ACOT7: variants seen among roughly 807,000 people sequenced by gnomAD.
ACOT7 encodes acyl-CoA thioesterase 7.
Under a neutral mutation model 40.2 loss-of-function variants are expected in ACOT7, and 12 were observed. The observed-to-expected ratio is 0.30, with a 90% confidence interval of 0.19 to 0.48. ACOT7 has a LOEUF of 0.48. Ranked by LOEUF, ACOT7 falls within the 20% of genes least tolerant of loss-of-function variation. ACOT7 has a pLI of 0.99. For missense variants in ACOT7, 395 were observed against 530.8 expected, an observed-to-expected ratio of 0.74 and a Z score of 2.51; for synonymous variants, 228 against 219.5, an observed-to-expected ratio of 1.04 and a Z score of -0.34.
At position 6,306,154 on chromosome 1, in the gene ACOT7, G is replaced by C. The variant is rs1053804251; in HGVS notation, c.713-11174C>G. ...GATGGCAGCAGCACAGTCCAGCTTCGGCTCGGCATCAGAGGGAGACCGTGG... is the reference window on the plus strand; with the variant it reads ...GATGGCAGCAGCACAGTCCAGCTTCCGCTCGGCATCAGAGGGAGACCGTGG... On this transcript the variant is annotated intron_variant, in intron 6 of 8. Transcript: ENST00000361521. The surrounding 1 kb of genome is among the most constrained non-coding windows in gnomAD (Gnocchi z 4.3). 25 of 778,814 alleles carry C rather than the reference G, an allele frequency of 3.2e-5. No homozygotes were observed. Among genetic ancestry groups the C allele is most frequent in the Middle Eastern group, 6.7e-4 (1 of 1,486 alleles). 48.2% of individuals were successfully genotyped at this position (778,814 alleles called of 1,614,324 possible).
In ACOT7 at chr1:6,278,553, G is replaced by A. The variant is rs919495726; in HGVS notation, c.1014+2549C>T. 2.0e-5 allele frequency among the ~76,000 whole-genome samples: 3 copies of A among 152,074 alleles called. No homozygotes were observed. The highest frequency in any genetic ancestry group is 7.2e-5 in the African/African-American group (3 of 41,392). On this transcript the variant is annotated intron_variant, in intron 8 of 8. Coordinates refer to ENST00000361521, the MANE Select transcript of ACOT7 (RefSeq NM_007274.4). This position sits in a 1 kb window ranked among gnomAD's most constrained non-coding sequence, Gnocchi z 4.1. ...CAGAGGCGGAGAGGGATTTTTTTGCGGGTGTGATAATGAGTTCCATTCAGG... is the reference window on the plus strand; with the variant it reads ...CAGAGGCGGAGAGGGATTTTTTTGCAGGTGTGATAATGAGTTCCATTCAGG...
rs2148400257 is a variant in ACOT7 at position 6,299,250 on chromosome 1, C to G, written c.713-4270G>C. On this transcript the variant is annotated intron_variant, in intron 6 of 8. Coordinates refer to ENST00000361521, the MANE Select transcript of ACOT7 (RefSeq NM_007274.4). This position sits in a 1 kb window ranked among gnomAD's most constrained non-coding sequence, Gnocchi z 4.1. ...AATGGGATGACCATGTGGCTGCCAG[C>G]AATGGCAGCTGCTATCATGGGATGT... Among the ~76,000 whole-genome samples, 1 of 152,374 alleles carries G rather than the reference C, an allele frequency of 6.6e-6. No homozygotes were observed. Among genetic ancestry groups the G allele is most frequent in the Admixed American group, 6.5e-5 (1 of 15,302 alleles).
chr1:6,320,842 C>T (rs1014621455), intron 5 of ACOT7, among the ~76,000 whole-genome samples: 12 of 152,234 alleles, frequency 7.9e-5, no homozygotes, highest in African/African-American at 2.9e-4. Context: ...GACCTCAGAG[C>T]GCAGCAGCTG....
intron 5 of ACOT7, among the ~76,000 whole-genome samples, chr1:6,323,235 T>C (rs536243605): frequency 1.3e-5 from 2 of 152,272 alleles, no homozygotes. Context: ...TTTCGGCTAC[T>C]GAGAAACATT....
intron 2 of ACOT7, among the ~76,000 whole-genome samples, chr1:6,342,829 T>C (rs1641311982): frequency 6.6e-6 from 1 of 152,216 alleles, no homozygotes; most frequent in Non-Finnish European, 1.5e-5. Context: ...GTCCTAAGTG[T>C]TTCTCGGAAC....
Position 6,264,681 on chromosome 1 carries a change from G to C in ACOT7, c.1029C>G (p.Asp343Glu). 1.2e-6 allele frequency: 2 copies of C among 1,613,388 alleles called. No homozygotes were observed. Among genetic ancestry groups the C allele is most frequent in the Non-Finnish European group, 8.5e-7 (1 of 1,179,962 alleles). Residue 343 changes from aspartate to glutamate, a missense_variant, in exon 9 of 9, where the codon GAC becomes GAG. Coordinates refer to ENST00000361521, the MANE Select transcript of ACOT7 (RefSeq NM_007274.4). ...PVPQLVPETEDEKKRFEEGKG... is the reference protein window; with the variant it reads ...PVPQLVPETEEEKKRFEEGKG... ...TGCCTTCCTCAAAGCGCTTCTTCTC[G>C]TCCTCGGTCTCGGGCTGTGGACCAC... is the stretch of plus-strand genomic sequence containing the variant.
At chr1:6,380,596 A>C (rs1571354970) in intron 1 of ACOT7, among the ~76,000 whole-genome samples, 1 of 151,168 alleles carries the variant, frequency 6.6e-6, no homozygotes, top group Admixed American at 6.6e-5. Flanking sequence ...CAAAAAAAAA[A>C]AAAAAACAAG....
rs1360757794 is a variant in ACOT7 at position 6,306,131 on chromosome 1, T to C, written c.713-11151A>G. The C allele has an allele frequency of 4.8e-6, 3 of 619,930 alleles. No homozygotes were observed. Among genetic ancestry groups the C allele is most frequent in the Non-Finnish European group, 6.0e-6 (3 of 502,164 alleles). 38.4% of individuals were successfully genotyped at this position (619,930 alleles called of 1,614,324 possible). A position where few individuals can be genotyped will look rare whatever the true frequency, so the allele number is the denominator to read the frequency against. ...GCAGGGAGGTTGCAGTGAGCCAAGA[T>C]GGCAGCAGCACAGTCCAGCTTCGGC... On this transcript the variant is annotated intron_variant, in intron 6 of 8. Transcript: ENST00000361521. This position sits in a 1 kb window ranked among gnomAD's most constrained non-coding sequence, Gnocchi z 4.3.
chr1:6,382,273 G>A (rs1406566045), intron 1 of ACOT7, among the ~76,000 whole-genome samples: 4 of 151,758 alleles, frequency 2.6e-5, no homozygotes, highest in South Asian at 4.2e-4. Context: ...GCGTGGTGGC[G>A]GGCACCTGTA....
At chr1:6,347,678 A>G (rs926221170) in intron 2 of ACOT7, among the ~76,000 whole-genome samples, 1 of 151,972 alleles carries the variant, frequency 6.6e-6, no homozygotes, top group Non-Finnish European at 1.5e-5. Flanking sequence ...GAGGCAGGAG[A>G]ATCGCTTGAA....
Position 6,301,145 on chromosome 1 carries a change from G to A in ACOT7, c.713-6165C>T, listed in dbSNP as rs1398270717. ...CAGCTGGTGTCATCAACTCAGGGTG[G>A]TTTAGCTGTGGGGGAAGGAGGAGGG... On this transcript the variant is annotated intron_variant, in intron 6 of 8. Coordinates refer to ENST00000361521, the MANE Select transcript of ACOT7 (RefSeq NM_007274.4). This position sits in a 1 kb window ranked among gnomAD's most constrained non-coding sequence, Gnocchi z 4.1. 6.6e-6 allele frequency among the ~76,000 whole-genome samples: 1 copy of A among 152,214 alleles called. No homozygotes were observed. The highest frequency in any genetic ancestry group is 6.5e-5 in the Admixed American group (1 of 15,282).
chr1:6,343,789 A>G (rs577907814), intron 2 of ACOT7, among the ~76,000 whole-genome samples: 38 of 152,386 alleles, frequency 2.5e-4, no homozygotes, highest in African/African-American at 8.7e-4. Flanking sequence ...ACGGTATGCT[A>G]TGCTGACACA....
At position 6,359,810 on chromosome 1, in the gene ACOT7, G is replaced by C. The variant is rs1295051134; in HGVS notation, c.144-9944C>G. 6.6e-6 allele frequency among the ~76,000 whole-genome samples: 1 copy of C among 152,204 alleles called. No individual in the cohort carries two copies. The highest frequency in any genetic ancestry group is 1.5e-5 in the Non-Finnish European group (1 of 68,040). On this transcript the variant is annotated intron_variant, in intron 1 of 8. Coordinates refer to ENST00000361521, the MANE Select transcript of ACOT7 (RefSeq NM_007274.4). The surrounding 1 kb of genome is among the most constrained non-coding windows in gnomAD (Gnocchi z 4.1). ...GGGAAATGGAAAGTCCCCAGCCAGAGTGCAGGCCGCACAGCCTCAACCAGG... is the reference window on the plus strand; with the variant it reads ...GGGAAATGGAAAGTCCCCAGCCAGACTGCAGGCCGCACAGCCTCAACCAGG...
intron 6 of ACOT7, 170 bp from the exon 7 acceptor site, chr1:6,295,150 C>A: frequency 7.6e-6 from 4 of 525,086 alleles, no homozygotes; most frequent in Non-Finnish European, 1.4e-5. Context: ...TCACGCGCTA[C>A]ATGGGGCTTC....
At chr1:6,284,434 G>C (rs1245558341) in intron 7 of ACOT7, among the ~76,000 whole-genome samples, 1 of 151,848 alleles carries the variant, frequency 6.6e-6, no homozygotes, top group Non-Finnish European at 1.5e-5. Flanking sequence ...AAATTAGCCG[G>C]GCATGGTGGC....
chr1:6,309,327 G>T (rs376851600), intron 6 of ACOT7, among the ~76,000 whole-genome samples: 44 of 152,286 alleles, frequency 2.9e-4, no homozygotes, highest in African/African-American at 1.0e-3. Context: ...GGATTTGGGG[G>T]ATTGCAGTAG....
rs114260806 is a variant in ACOT7, at chr1:6,267,877, G to A, written c.1015-3182C>T. Among the ~76,000 whole-genome samples the A allele has an allele frequency of 5.8e-3, 876 of 152,248 alleles. 4 individuals carry two copies. The highest frequency in any genetic ancestry group is 9.1e-3 in the Non-Finnish European group (616 of 68,020). ...TCCTGATTCACCACTGACTCACATC[G>A]ACTCCTCTTTTGTAAAATGGGCCAA... On this transcript the variant is annotated intron_variant, in intron 8 of 8. Coordinates refer to ENST00000361521, the MANE Select transcript of ACOT7 (RefSeq NM_007274.4).
At chr1:6,265,193 C>A (rs554465332) in intron 8 of ACOT7, among the ~76,000 whole-genome samples, 1 of 152,276 alleles carries the variant, frequency 6.6e-6, no homozygotes, top group Admixed American at 6.5e-5. Flanking sequence ...AGGAAAGCTG[C>A]ACACAGTCAC....
Position 6,301,425 on chromosome 1 carries a change from G to A in ACOT7, c.713-6445C>T, listed in dbSNP as rs1639970903. On this transcript the variant is annotated intron_variant, in intron 6 of 8. Coordinates refer to ENST00000361521, the MANE Select transcript of ACOT7 (RefSeq NM_007274.4). This position sits in a 1 kb window ranked among gnomAD's most constrained non-coding sequence, Gnocchi z 4.1. ...AGTCAACCCCGAGGGGAAGATGTGA[G>A]CGGCTATTGAGTGCCTGGTGTGCGA... 6.6e-6 allele frequency among the ~76,000 whole-genome samples: 1 copy of A among 152,186 alleles called. No homozygotes were observed. Among genetic ancestry groups the A allele is most frequent in the Non-Finnish European group, 1.5e-5 (1 of 68,036 alleles).
Sources: gnomAD v4.1 joint callset for allele counts (sites outside exome capture counted in the v4.1 genomes callset) on GRCh38, gnomAD v4.1.1 for gene constraint, Gnocchi (gnomAD v3.1) non-coding constraint, MANE v1.5 for transcripts, NCBI Gene and HGNC (gene_info 2026-07-23, HGNC 2026-07-21) for gene names.